The following DDX60L variants were observed in gnomAD, a reference collection of about 807,000 sequenced individuals.
DDX60L encodes the protein probable ATP-dependent RNA helicase DDX60-like.
DDX60L carries 191 observed loss-of-function variants against 211.6 expected under a neutral mutation model. The observed-to-expected ratio is 0.90, with a 90% CI of 0.80 to 1.02. DDX60L has a LOEUF of 1.02. DDX60L is among the 50% of genes least tolerant of loss of function. The pLI is 0.00. For missense variants in DDX60L, 2,007 were observed against 1,984.1 expected, an observed-to-expected ratio of 1.01 and a Z score of -0.22; for synonymous variants, 706 against 694.1, an observed-to-expected ratio of 1.02 and a Z score of -0.27.
chr4:168,472,355 T>C (rs954773911), intron 3 of DDX60L, 100 bp downstream of exon 3: 8 of 864,452 alleles, frequency 9.3e-6, no homozygotes, highest in East Asian at 2.7e-5. Flanking sequence ...CCAAGATAAA[T>C]AGGTTGAGTG....
chr4:168,384,481 T>C, intron 30 of DDX60L, 131 bp downstream of exon 30: 1 of 1,170,512 alleles, frequency 8.5e-7, no homozygotes, highest in Non-Finnish European at 1.2e-6. Flanking sequence ...AGCAAGACCC[T>C]GTCTCCAAAA....
chr4:168,442,050 A>G (rs1049436401), intron 9 of DDX60L, among the ~76,000 whole-genome samples: 2 of 152,268 alleles, frequency 1.3e-5, no homozygotes, highest in Middle Eastern at 3.4e-3. Flanking sequence ...CAGCGTGAGC[A>G]ACGCAGAAGA....
chr4:168,474,550 T>A (rs1262589621), intron 1 of DDX60L, among the ~76,000 whole-genome samples: 5 of 152,086 alleles, frequency 3.3e-5, no homozygotes, highest in Non-Finnish European at 7.4e-5. Flanking sequence ...ACTGAATCTA[T>A]GAAATAGGAG....
chr4:168,462,000 G>C lies in DDX60L; in HGVS notation c.305C>G (p.Ser102Ter). 1.2e-6 allele frequency: 2 copies of C among 1,610,798 alleles called. No homozygotes were observed. ...GTGGAGAATTAAAGCGGTCCTCAAT[G>C]AAAGAAGTTCAGGAAAATCAAAATA... ...YAYFDFPELL[S>*]LRTALILHLQ... Residue 102 changes from serine to a stop codon, truncating the protein, a stop_gained, in exon 5 of 38, where the codon TCA becomes TGA. Transcript: ENST00000682922. LOFTEE classifies it high-confidence loss of function.
At chr4:168,360,993 G>C (rs991562684) in intron 37 of DDX60L, among the ~76,000 whole-genome samples, 156 bp downstream of exon 37, 1 of 152,196 alleles carries the variant, frequency 6.6e-6, no homozygotes, top group Admixed American at 6.5e-5. Flanking sequence ...GGTCTACAGA[G>C]CCTTTGGATA....
At position 168,391,619 on chromosome 4, in the gene DDX60L, G is replaced by A. The variant is rs757298768; in HGVS notation, c.3836C>T (p.Ala1279Val). ...IRVVTATETLALGIHMPCKSV... is the reference protein window; with the variant it reads ...IRVVTATETLVLGIHMPCKSV... ...TTTGCATGGCATGTGGATCCCTAAG[G>A]CAAGTGTTTCAGTAGCTGTCACTAC... Residue 1279 changes from alanine to valine, a missense_variant, in exon 29 of 38, where the codon GCC becomes GTC. Coordinates refer to ENST00000682922, the MANE Select transcript of DDX60L (RefSeq NM_001012967.3). 11 of 1,582,894 alleles carry A rather than the reference G, an allele frequency of 6.9e-6. No homozygotes were observed. The highest frequency in any genetic ancestry group is 9.5e-6 in the Non-Finnish European group (11 of 1,162,296).
intron 14 of DDX60L, among the ~76,000 whole-genome samples, chr4:168,425,381 G>A (rs866170157): frequency 1.3e-5 from 2 of 152,136 alleles, no homozygotes; most frequent in Non-Finnish European, 1.5e-5. Context: ...GTGGCCACAC[G>A]TGAAAAGGAT....
In DDX60L at chr4:168,358,056, AT is replaced by A. The variant is rs1375175934; in HGVS notation, c.*90del. Reference sequence around the variant, plus strand: ...AATTCTGTTTGACTCCAAGACAAACATTTTTTCCATTTCATTGTGTAAGCTT... The same window carrying A: ...AATTCTGTTTGACTCCAAGACAAACATTTTTCCATTTCATTGTGTAAGCTT... On this transcript the variant is annotated 3_prime_UTR_variant, in exon 38 of 38. Transcript: ENST00000682922. The A allele has an allele frequency of 8.9e-5, 108 of 1,212,554 alleles. No homozygotes were observed. The highest frequency in any genetic ancestry group is 1.2e-4 in the Non-Finnish European group (102 of 856,024). 75.1% of individuals were successfully genotyped at this position (1,212,554 alleles called of 1,614,324 possible).
At chr4:168,452,578 A>T (rs1019351804) in intron 8 of DDX60L, among the ~76,000 whole-genome samples, 1 of 152,224 alleles carries the variant, frequency 6.6e-6, no homozygotes, top group Non-Finnish European at 1.5e-5. Flanking sequence ...TAAAAATTTT[A>T]AAAATTATGC....
chr4:168,359,307 CT>C (rs889751618), intron 37 of DDX60L, among the ~76,000 whole-genome samples: 12 of 152,214 alleles, frequency 7.9e-5, no homozygotes, highest in Admixed American at 1.3e-4. Context: ...ACATTTCCCC[CT>C]GGATGTCTTA....
At chr4:168,386,503 A>G (rs3762853) in intron 29 of DDX60L, among the ~76,000 whole-genome samples, 19,835 of 151,754 alleles carry the variant, frequency 0.13, 1,473 homozygotes, top group Admixed American at 0.15. Flanking sequence ...GGCGGTCTTC[A>G]TAATAATCCA....
intron 33 of DDX60L, among the ~76,000 whole-genome samples, chr4:168,376,000 G>A (rs1263333172): frequency 6.6e-6 from 1 of 152,192 alleles, no homozygotes; most frequent in African/African-American, 2.4e-5. Context: ...TTGTACATGA[G>A]GGAGCTAACC....
At chr4:168,362,785 A>G (rs1057388404) in intron 36 of DDX60L, among the ~76,000 whole-genome samples, 4 of 152,244 alleles carry the variant, frequency 2.6e-5, no homozygotes, top group Non-Finnish European at 5.9e-5. Context: ...AGAGGGAAAA[A>G]GAATAAAAAG....
At chr4:168,427,987 G>A in intron 13 of DDX60L, among the ~76,000 whole-genome samples, 1 of 152,338 alleles carries the variant, frequency 6.6e-6, no homozygotes, top group East Asian at 1.9e-4. Context: ...CTGCAATTAG[G>A]GCTGCCAAAG....
At position 168,430,575 on chromosome 4, in the gene DDX60L, T is replaced by C. The variant is rs770019086; in HGVS notation, c.1580A>G (p.Tyr527Cys). 2 of 1,603,412 alleles carry C rather than the reference T, an allele frequency of 1.2e-6. No individual in the cohort carries two copies. Among genetic ancestry groups the C allele is most frequent in the Non-Finnish European group, 8.5e-7 (1 of 1,174,664 alleles). The change falls in exon 13 of 38, where the codon TAT (tyrosine) becomes TGT (cysteine). Residue 527 changes from tyrosine (Y) to cysteine (C), a missense_variant. Physicochemically the swap from Tyr to Cys is radical, Grantham distance 194. Coordinates refer to ENST00000682922, the MANE Select transcript of DDX60L (RefSeq NM_001012967.3). ...AGAGATTGATTCTAACGATTTCCCA[T>C]AAAATTGCTGATAATCCTGAATCTT... Reference protein sequence around the residue: ...LKKIQDYQQFYGKSLESISTK... With the variant: ...LKKIQDYQQFCGKSLESISTK...
chr4:168,411,325 G>A (rs1388032246), intron 22 of DDX60L, among the ~76,000 whole-genome samples: 2 of 152,194 alleles, frequency 1.3e-5, no homozygotes, highest in African/African-American at 4.8e-5. Flanking sequence ...GAAGAGGGCA[G>A]GAAAGACAGT....
chr4:168,422,791 T>C lies in DDX60L; in HGVS notation c.2098-121A>G, dbSNP rs1006751881. Reference sequence around the variant, plus strand: ...TTTTTACTACACTTTTTTTTATTTTTTTGAGACAGGGTCTTTCTCTGTCAC... The same window carrying C: ...TTTTTACTACACTTTTTTTTATTTTCTTGAGACAGGGTCTTTCTCTGTCAC... On this transcript the variant is annotated intron_variant, in intron 15 of 37. Transcript: ENST00000682922. 4 of 780,930 alleles carry C rather than the reference T, an allele frequency of 5.1e-6. No individual in the cohort carries two copies. In the African/African-American group the frequency reaches 5.3e-5, roughly 10 times the overall value. 48.4% of individuals were successfully genotyped at this position (780,930 alleles called of 1,614,324 possible).
At chr4:168,449,631 T>TAAAAAAAAAAAAAAAAAAAAA (rs1755397945) in intron 8 of DDX60L, among the ~76,000 whole-genome samples, 1 of 9,134 alleles carries the variant, frequency 1.1e-4, no homozygotes, top group African/African-American at 7.7e-4. Context: ...AAAAAAAACA[T>TAAAAAAAAAAAAAAAAAAAAA]TAAAACAAAA....
intron 6 of DDX60L, 38 bp downstream of exon 6, chr4:168,457,854 T>C: frequency 7.6e-7 from 1 of 1,319,106 alleles, no homozygotes; most frequent in Non-Finnish European, 1.0e-6. Flanking sequence ...TACCAAATTC[T>C]ATCAAACTTT....
Sources: allele counts gnomAD v4.1 joint callset (sites outside exome capture counted in the v4.1 genomes callset), GRCh38; gene constraint gnomAD v4.1.1; transcripts MANE v1.5; gene names NCBI Gene and HGNC (gene_info 2026-07-23, HGNC 2026-07-21).